Variants in KDM4B observed in about 807,000 individuals in gnomAD.
KDM4B encodes lysine-specific demethylase 4B.
In KDM4B, 32 loss-of-function variants were observed where a neutral mutation model predicts 125.2. That is an observed-to-expected ratio of 0.26 (90% CI 0.19 to 0.34). The LOEUF (loss-of-function observed/expected upper bound fraction) is 0.34, where lower values mean the gene tolerates loss of function less well. Ranked by LOEUF, KDM4B falls within the 10% of genes least tolerant of loss-of-function variation. KDM4B has a pLI of 1.00. For synonymous variants in KDM4B, 721 were observed against 677.9 expected (o/e 1.06, Z -0.99); for missense variants, 1,190 against 1,577.7 (o/e 0.75, Z 4.16).
intron 2 of KDM4B, among the ~76,000 whole-genome samples, chr19:5,020,153 GTGTTGGTGTGGA>G (rs1173214437): frequency 2.7e-5 from 4 of 148,804 alleles, no homozygotes; most frequent in Admixed American, 1.3e-4. Flanking sequence ...TGGTGTGCAG[GTGTTGGTGTGGA>G]TGTTGGTGTG....
intron 1 of KDM4B, among the ~76,000 whole-genome samples, chr19:4,974,334 G>A (rs952560185): frequency 4.6e-5 from 7 of 151,572 alleles, no homozygotes; most frequent in African/African-American, 1.5e-4. Context: ...CCCGAGAGGC[G>A]GAGCTTGCAG....
intron 1 of KDM4B, among the ~76,000 whole-genome samples, chr19:5,010,508 G>A (rs570216877): frequency 5.3e-5 from 8 of 152,190 alleles, no homozygotes; most frequent in South Asian, 2.1e-4. Flanking sequence ...TTACATTTCC[G>A]CGTGGCTCTT....
At position 5,049,880 on chromosome 19, in the gene KDM4B, C is replaced by T. The variant is rs568162176; in HGVS notation, c.626+2211C>T. On this transcript the variant is annotated intron_variant, in intron 6 of 22. Transcript: ENST00000159111. ...ACTGTGTGCTGTGGGAGCTGACTAC[C>T]CCTCCAGGCTGCCCTCCCAACTTGC... Among the ~76,000 whole-genome samples, 18 of 152,246 alleles carry T rather than the reference C, an allele frequency of 1.2e-4. No individual in the cohort carries two copies. The South Asian group carries it at 3.5e-3, about 30-fold the overall frequency.
chr19:5,011,224 T>C (rs1478569828), intron 1 of KDM4B, among the ~76,000 whole-genome samples: 2 of 152,156 alleles, frequency 1.3e-5, no homozygotes, highest in Non-Finnish European at 2.9e-5. Flanking sequence ...TTCCTCACAG[T>C]GGAGAATGAT....
chr19:5,107,098 T>C (rs1258370933), intron 9 of KDM4B, among the ~76,000 whole-genome samples: 1 of 152,218 alleles, frequency 6.6e-6, no homozygotes, highest in Non-Finnish European at 1.5e-5. Context: ...CAGAGGCTGT[T>C]CAGCACTGAG....
At chr19:4,989,554 T>A (rs1250442665) in intron 1 of KDM4B, among the ~76,000 whole-genome samples, 2 of 152,158 alleles carry the variant, frequency 1.3e-5, no homozygotes, top group African/African-American at 4.8e-5. Flanking sequence ...TTGGCCAGGC[T>A]AGTCTTGAAC....
At chr19:5,090,107 A>G (rs1398124785) in intron 9 of KDM4B, among the ~76,000 whole-genome samples, 2 of 152,022 alleles carry the variant, frequency 1.3e-5, no homozygotes, top group Admixed American at 6.5e-5. Context: ...TGGAAAGAGG[A>G]CAGAGTGGAA....
At chr19:4,986,394 G>A (rs746646671) in intron 1 of KDM4B, among the ~76,000 whole-genome samples, 3 of 152,222 alleles carry the variant, frequency 2.0e-5, no homozygotes, top group South Asian at 2.1e-4. Flanking sequence ...AGCGCTGGCC[G>A]TGGGGACTCT....
At chr19:5,068,594 G>A (rs530516856) in intron 6 of KDM4B, among the ~76,000 whole-genome samples, 3 of 152,220 alleles carry the variant, frequency 2.0e-5, no homozygotes, top group African/African-American at 7.2e-5. Flanking sequence ...GGGGGTGGCC[G>A]GGAGGCAGGT....
At position 5,141,533 on chromosome 19, in the gene KDM4B, G is replaced by A. The variant is rs1235706701; in HGVS notation, c.2551-2434G>A. Reference sequence around the variant, plus strand: ...CGCTTGTACTGCTTAATGGGGCTTTGCAAGGAGGCGGCGGTTAATTCCTGC... The same window carrying A: ...CGCTTGTACTGCTTAATGGGGCTTTACAAGGAGGCGGCGGTTAATTCCTGC... On this transcript the variant is annotated intron_variant, in intron 18 of 22. Coordinates refer to ENST00000159111, the MANE Select transcript of KDM4B (RefSeq NM_015015.3). This position sits in a 1 kb window ranked among gnomAD's most constrained non-coding sequence, Gnocchi z 6.4. 1 of 152,200 alleles carries A rather than the reference G, an allele frequency of 6.6e-6. No homozygotes were observed. Among genetic ancestry groups the A allele is most frequent in the African/African-American group, 2.4e-5 (1 of 41,430 alleles). 9.4% of individuals were successfully genotyped at this position (152,200 alleles called of 1,614,324 possible). A position where few individuals can be genotyped will look rare whatever the true frequency, so the allele number is the denominator to read the frequency against.
intron 6 of KDM4B, among the ~76,000 whole-genome samples, chr19:5,066,042 C>T (rs1426334983): frequency 2.6e-5 from 4 of 152,180 alleles, no homozygotes; most frequent in African/African-American, 7.2e-5. Context: ...TGGCTGCAGT[C>T]CTGACCTCCC....
In KDM4B at chr19:4,983,305, G is replaced by A. The variant is rs373003130; in HGVS notation, c.-109+14075G>A. On this transcript the variant is annotated intron_variant, in intron 1 of 22. Transcript: ENST00000159111. The stretch of plus-strand genomic sequence containing the variant: ...TGGTGCTTAGTGGACCAGGGCCCAC[G>A]CTCCTTCCTCCCACCCTCCCAATCC... Among the ~76,000 whole-genome samples, 11 of 152,180 alleles carry A rather than the reference G, an allele frequency of 7.2e-5. No individual in the cohort carries two copies. In the East Asian group the frequency reaches 1.2e-3, roughly 16 times the overall value.
chr19:5,020,455 G>A lies in KDM4B; in HGVS notation c.-26+4116G>A, dbSNP rs554126391. On this transcript the variant is annotated intron_variant, in intron 2 of 22. Coordinates refer to ENST00000159111, the MANE Select transcript of KDM4B (RefSeq NM_015015.3). ...ATTCTGTTTAGCCTTCTCAGGAATC[G>A]CCTGCCCGTCTCCACGGCGGCTGCA... Among the ~76,000 whole-genome samples the A allele has an allele frequency of 1.8e-4, 27 of 152,194 alleles. No homozygotes were observed. In the South Asian group the frequency reaches 5.4e-3, roughly 30 times the overall value.
chr19:5,151,555 A>G lies in KDM4B; in HGVS notation c.*44A>G, dbSNP rs2039948847. On this transcript the variant is annotated 3_prime_UTR_variant, in exon 23 of 23. Coordinates refer to ENST00000159111, the MANE Select transcript of KDM4B (RefSeq NM_015015.3). Reference sequence around the variant, plus strand: ...CGACCCTCAGCCCGGCGGGGAGGCCATGGCATGCCCCGGGCGTTCGCTTGC... The same window carrying G: ...CGACCCTCAGCCCGGCGGGGAGGCCGTGGCATGCCCCGGGCGTTCGCTTGC... The G allele has an allele frequency of 5.4e-6, 7 of 1,300,478 alleles. No homozygotes were observed. Among genetic ancestry groups the G allele is most frequent in the Non-Finnish European group, 4.9e-6 (5 of 1,018,560 alleles). 80.6% of individuals were successfully genotyped at this position (1,300,478 alleles called of 1,614,324 possible). A position where few individuals can be genotyped will look rare whatever the true frequency, so the allele number is the denominator to read the frequency against.
At chr19:5,022,505 C>A (rs1321409525) in intron 2 of KDM4B, among the ~76,000 whole-genome samples, 1 of 152,194 alleles carries the variant, frequency 6.6e-6, no homozygotes, top group African/African-American at 2.4e-5. Flanking sequence ...ACCTGGAAAT[C>A]CCACCTGTCA....
intron 9 of KDM4B, among the ~76,000 whole-genome samples, chr19:5,109,680 G>C (rs887976074): frequency 8.5e-5 from 13 of 152,284 alleles, no homozygotes; most frequent in African/African-American, 3.1e-4. Flanking sequence ...GAGCCTCCCA[G>C]ACCCTCAGCA....
In KDM4B at chr19:5,081,490, G is replaced by GT. The variant is rs1341921407; in HGVS notation, c.781-876dup. Among the ~76,000 whole-genome samples the GT allele has an allele frequency of 6.6e-6, 1 of 152,148 alleles. No individual in the cohort carries two copies. The highest frequency in any genetic ancestry group is 1.5e-5 in the Non-Finnish European group (1 of 68,006). On this transcript the variant is annotated intron_variant, in intron 8 of 22. Transcript: ENST00000159111. The surrounding 1 kb of genome is among the most constrained non-coding windows in gnomAD (Gnocchi z 4.2). The stretch of plus-strand genomic sequence containing the variant: ...CCTGCCTTTTCTTCCAGACCTTGGG[G>GT]TGGCTGTTGGGAAACCTTGGGTCTG...
intron 11 of KDM4B, among the ~76,000 whole-genome samples, chr19:5,123,859 C>G (rs1234014878): frequency 6.6e-6 from 1 of 152,068 alleles, no homozygotes; most frequent in African/African-American, 2.4e-5. Context: ...CAGGCGAGGT[C>G]GGCAGGGGAG....
At chr19:5,138,388 A>G in intron 18 of KDM4B, 2 of 349,296 alleles carry the variant, frequency 5.7e-6, no homozygotes, top group Non-Finnish European at 5.3e-6. Context: ...CCACAAAAGC[A>G]GAGGCACCGC....
Sources: allele counts gnomAD v4.1 joint callset (sites outside exome capture counted in the v4.1 genomes callset), GRCh38; gene constraint gnomAD v4.1.1; non-coding constraint Gnocchi (gnomAD v3.1); transcripts MANE v1.5; gene names NCBI Gene and HGNC (gene_info 2026-07-23, HGNC 2026-07-21).